TSHR: variants seen among roughly 807,000 people sequenced by gnomAD.
TSHR encodes the protein thyroid stimulating hormone receptor.
TSHR carries 51 observed loss-of-function variants against 64.1 expected under a neutral mutation model. That is an observed-to-expected ratio of 0.80 (90% confidence interval 0.64 to 1.01). The LOEUF is 1.01. Ranked by LOEUF, TSHR falls within the 50% of genes least tolerant of loss-of-function variation. The pLI, the probability that TSHR is intolerant of heterozygous loss-of-function variation, is 0.00. For missense variants in TSHR, 877 were observed against 942.8 expected (o/e 0.93, Z 0.91); for synonymous variants, 361 against 361.9 (o/e 1.00, Z 0.03).
At chr14:81,130,571 T>C (rs1237168435) in intron 8 of TSHR, among the ~76,000 whole-genome samples, 1 of 152,224 alleles carries the variant, frequency 6.6e-6, no homozygotes, top group Non-Finnish European at 1.5e-5. Flanking sequence ...ATCTTTGATA[T>C]TCTTTTTATC....
At chr14:81,138,466 G>A (rs992873293) in intron 8 of TSHR, among the ~76,000 whole-genome samples, 44 of 152,216 alleles carry the variant, frequency 2.9e-4, no homozygotes, top group Middle Eastern at 3.4e-3. Context: ...TGGGATTACA[G>A]GCGTGAGCTA....
intron 8 of TSHR, among the ~76,000 whole-genome samples, chr14:81,111,099 T>C (rs566280153): frequency 6.6e-6 from 1 of 152,348 alleles, no homozygotes; most frequent in East Asian, 1.9e-4. Context: ...AGATATTTTT[T>C]ACTTATTAAT....
At chr14:80,968,585 A>T (rs1390857282) in intron 1 of TSHR, among the ~76,000 whole-genome samples, 2 of 152,052 alleles carry the variant, frequency 1.3e-5, no homozygotes, top group Non-Finnish European at 2.9e-5. Flanking sequence ...CTTGCCCAGC[A>T]CTCTGACTGG....
At chr14:81,057,012 G>T (rs889025950) in intron 1 of TSHR, among the ~76,000 whole-genome samples, 3 of 152,146 alleles carry the variant, frequency 2.0e-5, no homozygotes, top group Non-Finnish European at 4.4e-5. Context: ...CATGATCCTT[G>T]TGGGTCTACA....
chr14:81,077,704 T>G (rs1266593378), intron 3 of TSHR, among the ~76,000 whole-genome samples: 1 of 152,198 alleles, frequency 6.6e-6, no homozygotes, highest in East Asian at 1.9e-4. Context: ...ATTGATATGG[T>G]TGGATTTCAG....
intron 8 of TSHR, among the ~76,000 whole-genome samples, chr14:81,109,150 C>T (rs2140034269): frequency 6.6e-6 from 1 of 152,308 alleles, no homozygotes; most frequent in South Asian, 2.1e-4. Flanking sequence ...TGTCTCACAC[C>T]TGTAATCCCA....
intron 5 of TSHR, 128 bp from the exon 6 acceptor site, chr14:81,092,403 T>A: frequency 1.1e-6 from 1 of 921,470 alleles, no homozygotes; most frequent in Non-Finnish European, 1.7e-6. Flanking sequence ...GAAGGGTCAG[T>A]GAAACTTAAA....
chr14:80,964,785 C>T (rs77130197), intron 1 of TSHR, among the ~76,000 whole-genome samples: 2 of 152,216 alleles, frequency 1.3e-5, no homozygotes, highest in African/African-American at 4.8e-5. Context: ...ATATTACAAA[C>T]AACCCTAACA....
At chr14:81,039,813 T>A (rs1256543608) in intron 1 of TSHR, among the ~76,000 whole-genome samples, 1 of 152,002 alleles carries the variant, frequency 6.6e-6, no homozygotes, top group African/African-American at 2.4e-5. Context: ...ATGATGAAAT[T>A]GAAGAGGACA....
chr14:81,002,799 T>TGTGC lies in TSHR; in HGVS notation c.170+46949_170+46950insGTGC, dbSNP rs1175606361. On this transcript the variant is annotated intron_variant, in intron 1 of 9. Transcript: ENST00000298171. Reference sequence around the variant, plus strand: ...AATGCCTCTTTTTTTTTTTTTTTTTTTTTTTTTTATCTTTTTTTTTTTTTT... The same window carrying TGTGC: ...AATGCCTCTTTTTTTTTTTTTTTTTTGTGCTTTTTTTTATCTTTTTTTTTTTTTT... Among the ~76,000 whole-genome samples the TGTGC allele has an allele frequency of 5.2e-4, 19 of 36,276 alleles. No individual in the cohort carries two copies. In the East Asian group the frequency reaches 8.2e-3, roughly 16 times the overall value. 23.8% of individuals were successfully genotyped at this position (36,276 alleles called of 152,430 possible).
In TSHR at chr14:81,144,988, G is replaced by A; in HGVS notation, c.*635G>A. The A allele has an allele frequency of 4.3e-6, 1 of 233,704 alleles. No homozygotes were observed. Among genetic ancestry groups the A allele is most frequent in the Non-Finnish European group, 8.4e-6 (1 of 118,428 alleles). The allele number at this position is 233,704 out of a possible 1,614,324, so 14.5% of individuals were successfully genotyped here. On this transcript the variant is annotated 3_prime_UTR_variant, in exon 10 of 10. Coordinates refer to ENST00000298171, the MANE Select transcript of TSHR (RefSeq NM_000369.5). ...ATCTCTTCACAAGAATCCACCTGAT[G>A]TGACCAAGCTATTATGTGTTGCCTG... is the stretch of plus-strand genomic sequence containing the variant.
intron 1 of TSHR, among the ~76,000 whole-genome samples, chr14:80,973,249 CA>C (rs1256946968): frequency 6.6e-6 from 1 of 151,484 alleles, no homozygotes; most frequent in Non-Finnish European, 1.5e-5. Flanking sequence ...ACTAAAAATA[CA>C]AAAAATTAGC....
intron 8 of TSHR, among the ~76,000 whole-genome samples, chr14:81,125,301 T>C (rs1595154154): frequency 6.6e-6 from 1 of 152,280 alleles, no homozygotes; most frequent in South Asian, 2.1e-4. Flanking sequence ...AAACATGGGA[T>C]GTGTTCAGAG....
At position 81,144,700 on chromosome 14, in the gene TSHR, TG is replaced by T; in HGVS notation, c.*348del. ...ATGTCAATATAGAGCTTCTCAGTTTTGTATAACATTTCATACTAAAGATTCA... is the reference window on the plus strand; with the variant it reads ...ATGTCAATATAGAGCTTCTCAGTTTTTATAACATTTCATACTAAAGATTCA... On this transcript the variant is annotated 3_prime_UTR_variant, in exon 10 of 10. Coordinates refer to ENST00000298171, the MANE Select transcript of TSHR (RefSeq NM_000369.5). 1 of 295,250 alleles carries T rather than the reference TG, an allele frequency of 3.4e-6. No homozygotes were observed. The highest frequency in any genetic ancestry group is 6.4e-6 in the Non-Finnish European group (1 of 157,234). 18.3% of individuals were successfully genotyped at this position (295,250 alleles called of 1,614,324 possible).
chr14:81,004,698 G>A (rs1024642066), intron 1 of TSHR, among the ~76,000 whole-genome samples: 6 of 152,124 alleles, frequency 3.9e-5, no homozygotes, highest in African/African-American at 1.2e-4. Context: ...CCCAGCAACC[G>A]CCATGGTCAT....
At chr14:81,084,709 T>A (rs1292451640) in intron 3 of TSHR, among the ~76,000 whole-genome samples, 1 of 152,186 alleles carries the variant, frequency 6.6e-6, no homozygotes, top group Non-Finnish European at 1.5e-5. Flanking sequence ...AAACAGCTTT[T>A]CTTTCTTCCA....
At chr14:80,982,775 C>A (rs1888239772) in intron 1 of TSHR, 1 of 597,082 alleles carries the variant, frequency 1.7e-6, no homozygotes, top group Admixed American at 2.7e-5. Flanking sequence ...CCTGTGGCAA[C>A]AGCCTGCCCT....
intron 1 of TSHR, among the ~76,000 whole-genome samples, chr14:80,973,908 C>T (rs1301155497): frequency 6.6e-6 from 1 of 152,010 alleles, no homozygotes; most frequent in African/African-American, 2.4e-5. Context: ...CCCCAACCTG[C>T]TTTAGATGTG....
intron 8 of TSHR, among the ~76,000 whole-genome samples, chr14:81,129,086 A>G (rs1275839106): frequency 6.6e-6 from 1 of 152,060 alleles, no homozygotes; most frequent in Non-Finnish European, 1.5e-5. Flanking sequence ...TATCTTTCCT[A>G]TACCTTGACC....
Sources: allele counts gnomAD v4.1 joint callset (sites outside exome capture counted in the v4.1 genomes callset), GRCh38; gene constraint gnomAD v4.1.1; transcripts MANE v1.5; gene names NCBI Gene and HGNC (gene_info 2026-07-23, HGNC 2026-07-21).